The following RAB40B variants were observed in gnomAD, a reference collection of about 807,000 sequenced individuals.
RAB40B encodes the protein ras-related protein Rab-40B.
RAB40B carries 21 observed loss-of-function variants against 24.0 expected under a neutral mutation model. That is an observed-to-expected ratio of 0.88 (90% CI 0.62 to 1.26). The LOEUF is 1.26. RAB40B is among the 50% of genes most tolerant of loss of function. RAB40B has a pLI of 0.00. For synonymous variants in RAB40B, 167 were observed against 169.8 expected (o/e 0.98, Z 0.13); for missense variants, 348 against 390.5 (o/e 0.89, Z 0.92).
At chr17:82,674,709 G>A (rs983088813) in intron 1 of RAB40B, among the ~76,000 whole-genome samples, 2 of 152,026 alleles carry the variant, frequency 1.3e-5, no homozygotes, top group African/African-American at 4.8e-5. Context: ...CTGACTGAAC[G>A]GGGGAGGGGC....
intron 1 of RAB40B, among the ~76,000 whole-genome samples, chr17:82,672,946 G>T (rs544893606): frequency 1.3e-5 from 2 of 152,272 alleles, no homozygotes; most frequent in Non-Finnish European, 2.9e-5. Flanking sequence ...GTTCATGCCT[G>T]TAATCCCAGC....
rs1029252709 is a variant in RAB40B at position 82,657,233 on chromosome 17, A to G, written c.*630T>C. On this transcript the variant is annotated 3_prime_UTR_variant, in exon 6 of 6. Coordinates refer to ENST00000571995, the MANE Select transcript of RAB40B (RefSeq NM_006822.3). ...TTTGGCATTTTCTTCCCTTAGCTTC[A>G]TAACTTGTAGAATATCTTGTACAAA... 23 of 169,130 alleles carry G rather than the reference A, an allele frequency of 1.4e-4. No homozygotes were observed. Among genetic ancestry groups the G allele is most frequent in the African/African-American group, 5.3e-4 (22 of 41,526 alleles). The allele number at this position is 169,130 out of a possible 1,614,324, so 10.5% of individuals were successfully genotyped here.
intron 3 of RAB40B, among the ~76,000 whole-genome samples, chr17:82,660,190 TACACATAGGC>T (rs1318583777): frequency 6.7e-6 from 1 of 150,300 alleles, no homozygotes; most frequent in African/African-American, 2.5e-5. Flanking sequence ...TGCATACACA[TACACATAGGC>T]ACTCATGCAC....
chr17:82,660,632 C>T (rs1032997911), intron 3 of RAB40B, among the ~76,000 whole-genome samples: 15 of 152,060 alleles, frequency 9.9e-5, no homozygotes, highest in Non-Finnish European at 1.9e-4. Flanking sequence ...TGCACACACA[C>T]ACGCACAGGC....
chr17:82,655,927 T>A lies in RAB40B; in HGVS notation c.*1936A>T, dbSNP rs1201713602. 6.6e-6 allele frequency: 1 copy of A among 151,314 alleles called. No individual in the cohort carries two copies. The highest frequency in any genetic ancestry group is 6.6e-5 in the Admixed American group (1 of 15,124). The allele number at this position is 151,314 out of a possible 1,614,324, so 9.4% of individuals were successfully genotyped here. ...CATCTCTGAATACAGGCTTTGCCCC[T>A]GATTCTAGGGTCCCTTAAATTTCTT... On this transcript the variant is annotated 3_prime_UTR_variant, in exon 6 of 6. Transcript: ENST00000571995.
At chr17:82,687,109 G>A (rs539136684) in intron 1 of RAB40B, among the ~76,000 whole-genome samples, 2 of 151,948 alleles carry the variant, frequency 1.3e-5, no homozygotes, top group Non-Finnish European at 2.9e-5. Context: ...CAGATCTGAT[G>A]ACGCTGGCCT....
intron 4 of RAB40B, 98 bp downstream of exon 4, chr17:82,659,482 T>C (rs956039870): frequency 8.1e-7 from 1 of 1,228,658 alleles, no homozygotes; most frequent in Non-Finnish European, 1.2e-6. Context: ...CTGTGATCCA[T>C]GGGTACCCAT....
chr17:82,661,502 C>T (rs1409866183), intron 2 of RAB40B, among the ~76,000 whole-genome samples: 1 of 152,140 alleles, frequency 6.6e-6, no homozygotes, highest in Non-Finnish European at 1.5e-5. Flanking sequence ...AGGGAACTGC[C>T]TGGCGTGAGC....
chr17:82,695,722 AAAC>A (rs2046602793), intron 1 of RAB40B, among the ~76,000 whole-genome samples: 1 of 151,888 alleles, frequency 6.6e-6, no homozygotes, highest in Non-Finnish European at 1.5e-5. Flanking sequence ...AAAAAATAAA[AAAC>A]AAAACATAAT....
chr17:82,664,367 C>T (rs558673209), intron 2 of RAB40B, 129 bp downstream of exon 2: 129 of 841,156 alleles, frequency 1.5e-4, no homozygotes, highest in Non-Finnish European at 1.8e-4. Flanking sequence ...AGGGTGTTCC[C>T]GGGGGCGCTG....
rs148235842 is a variant in RAB40B at position 82,667,057 on chromosome 17, C to T, written c.143-2501G>A. Reference sequence around the variant, plus strand: ...ACCCTGGAGACCGTCGTGGAGCACACGGCCTCTGCAGCTCTCCTTCCAGAG... The same window carrying T: ...ACCCTGGAGACCGTCGTGGAGCACATGGCCTCTGCAGCTCTCCTTCCAGAG... On this transcript the variant is annotated intron_variant, in intron 1 of 5. Transcript: ENST00000571995. The surrounding 1 kb of genome is among the most constrained non-coding windows in gnomAD (Gnocchi z 4.3). 5.0e-3 allele frequency among the ~76,000 whole-genome samples: 767 copies of T among 152,358 alleles called. 7 individuals are homozygous for T. The highest frequency in any genetic ancestry group is 0.017 in the African/African-American group (725 of 41,578).
In RAB40B at chr17:82,697,826, C is replaced by T. The variant is rs2046626615; in HGVS notation, c.142+629G>A. 6.6e-6 allele frequency among the ~76,000 whole-genome samples: 1 copy of T among 152,204 alleles called. No homozygotes were observed. Among genetic ancestry groups the T allele is most frequent in the African/African-American group, 2.4e-5 (1 of 41,464 alleles). ...CTCCCCTCGCCCTGGAACCCGCTCTCCGGCCGCTGTCGTGGGGGGTCCCCT... is the reference window on the plus strand; with the variant it reads ...CTCCCCTCGCCCTGGAACCCGCTCTTCGGCCGCTGTCGTGGGGGGTCCCCT... On this transcript the variant is annotated intron_variant, in intron 1 of 5. Coordinates refer to ENST00000571995, the MANE Select transcript of RAB40B (RefSeq NM_006822.3). This position sits in a 1 kb window ranked among gnomAD's most constrained non-coding sequence, Gnocchi z 4.9.
At chr17:82,665,881 G>C (rs1360739328) in intron 1 of RAB40B, among the ~76,000 whole-genome samples, 18 of 128,288 alleles carry the variant, frequency 1.4e-4, no homozygotes, top group African/African-American at 5.5e-5. Flanking sequence ...CAAACAACAA[G>C]AACAACAACA....
chr17:82,697,578 T>C lies in RAB40B; in HGVS notation c.142+877A>G, dbSNP rs1311632986. Among the ~76,000 whole-genome samples, 2 of 152,086 alleles carry C rather than the reference T, an allele frequency of 1.3e-5. No homozygotes were observed. The highest frequency in any genetic ancestry group is 2.9e-5 in the Non-Finnish European group (2 of 67,998). ...CTGGGCTCCTTCCACAGCCTCAGGG[T>C]CGGCCTCGTCCAAGCTGTTCCAGGG... On this transcript the variant is annotated intron_variant, in intron 1 of 5. Transcript: ENST00000571995. The surrounding 1 kb of genome is among the most constrained non-coding windows in gnomAD (Gnocchi z 4.9).
At chr17:82,683,515 T>C (rs2046465184) in intron 1 of RAB40B, among the ~76,000 whole-genome samples, 1 of 152,140 alleles carries the variant, frequency 6.6e-6, no homozygotes, top group Non-Finnish European at 1.5e-5. Flanking sequence ...AGGCCAGACA[T>C]AGTGGCTCAC....
intron 1 of RAB40B, among the ~76,000 whole-genome samples, chr17:82,681,861 A>G (rs2046451833): frequency 6.6e-6 from 1 of 152,120 alleles, no homozygotes; most frequent in Admixed American, 6.6e-5. Context: ...CTAGGAATAC[A>G]ATTCCCTTAA....
intron 1 of RAB40B, among the ~76,000 whole-genome samples, chr17:82,668,934 C>A (rs1568035178): frequency 6.6e-6 from 1 of 152,272 alleles, no homozygotes; most frequent in Non-Finnish European, 1.5e-5. Flanking sequence ...AGGAGCTTGA[C>A]CTCACCACAG....
intron 1 of RAB40B, among the ~76,000 whole-genome samples, chr17:82,690,577 G>A (rs1203769462): frequency 2.7e-5 from 4 of 148,042 alleles, no homozygotes; most frequent in African/African-American, 7.5e-5. Flanking sequence ...TTGCCGGGGA[G>A]CAGAGAGTGT....
intron 4 of RAB40B, 178 bp downstream of exon 4, chr17:82,659,402 A>G (rs1218797173): frequency 5.0e-6 from 3 of 603,134 alleles, no homozygotes; most frequent in Non-Finnish European, 8.8e-6. Context: ...GCTATCACCA[A>G]AGCCCTATCC....
Sources: gnomAD v4.1 joint callset for allele counts (sites outside exome capture counted in the v4.1 genomes callset) on GRCh38, gnomAD v4.1.1 for gene constraint, Gnocchi (gnomAD v3.1) non-coding constraint, MANE v1.5 for transcripts, NCBI Gene and HGNC (gene_info 2026-07-23, HGNC 2026-07-21) for gene names.